Variants in DAB1 observed in about 807,000 individuals in gnomAD.
DAB1 encodes DAB adaptor protein 1.
Under a neutral mutation model 64.6 loss-of-function variants are expected in DAB1, and 15 were observed. That is an observed-to-expected ratio of 0.23 (90% CI 0.16 to 0.36). The LOEUF (loss-of-function observed/expected upper bound fraction) is 0.36, where lower values mean the gene tolerates loss of function less well. Ranked by LOEUF, DAB1 falls within the 10% of genes least tolerant of loss-of-function variation. DAB1 has a pLI of 1.00. For synonymous variants in DAB1, 235 were observed against 251.9 expected, an observed-to-expected ratio of 0.93 and a Z score of 0.64; for missense variants, 596 against 706.7, an observed-to-expected ratio of 0.84 and a Z score of 1.78.
At chr1:57,397,612 G>A (rs1214262952) in intron 1 of DAB1, among the ~76,000 whole-genome samples, 2 of 152,148 alleles carry the variant, frequency 1.3e-5, no homozygotes, top group Admixed American at 1.3e-4. Flanking sequence ...AGGCAGATGT[G>A]TCCCTACACA....
At chr1:58,172,215 C>T (rs189772273) in intron 4 of DAB1, among the ~76,000 whole-genome samples, 58 of 152,334 alleles carry the variant, frequency 3.8e-4, no homozygotes, top group African/African-American at 1.4e-3. Flanking sequence ...CAAAACTCCT[C>T]TTTATATGTC....
intron 2 of DAB1, among the ~76,000 whole-genome samples, chr1:57,216,081 A>G (rs1666405498): frequency 6.6e-6 from 1 of 151,916 alleles, no homozygotes; most frequent in South Asian, 2.1e-4. Flanking sequence ...TCTACACATT[A>G]ATACTGTGGT....
intron 6 of DAB1, among the ~76,000 whole-genome samples, chr1:57,665,859 G>C (rs1646441445): frequency 1.3e-5 from 2 of 149,870 alleles, no homozygotes; most frequent in Non-Finnish European, 3.0e-5. Context: ...CTGTGTGTGT[G>C]TGTGTGTGTG....
intron 1 of DAB1, among the ~76,000 whole-genome samples, chr1:57,327,893 C>T (rs1263163406): frequency 6.6e-6 from 1 of 152,064 alleles, no homozygotes. Context: ...ATATGATTGA[C>T]CTGAAATTCA....
chr1:57,787,369 C>T (rs1487315170), intron 6 of DAB1, among the ~76,000 whole-genome samples: 1 of 151,938 alleles, frequency 6.6e-6, no homozygotes, highest in African/African-American at 2.4e-5. Flanking sequence ...TAGACCTGCA[C>T]GTATAGAATC....
intron 4 of DAB1, among the ~76,000 whole-genome samples, chr1:58,327,582 C>A (rs557447323): frequency 6.6e-6 from 1 of 152,140 alleles, no homozygotes; most frequent in Non-Finnish European, 1.5e-5. Flanking sequence ...TGCTTCTCCC[C>A]CTATTTGTAA....
chr1:57,683,673 C>A (rs767461180), intron 6 of DAB1, among the ~76,000 whole-genome samples: 37 of 152,110 alleles, frequency 2.4e-4, no homozygotes, highest in Admixed American at 1.0e-3. Flanking sequence ...CAGCGCTCTA[C>A]CAAGATGAAA....
chr1:57,707,392 G>A (rs1182645142), intron 6 of DAB1, among the ~76,000 whole-genome samples: 5 of 149,420 alleles, frequency 3.3e-5, no homozygotes, highest in Admixed American at 2.0e-4. Flanking sequence ...TTCATAGTAC[G>A]GATGTGTTGC....
chr1:57,345,655 T>C (rs1031289651), intron 1 of DAB1, among the ~76,000 whole-genome samples: 2 of 152,220 alleles, frequency 1.3e-5, no homozygotes, highest in Non-Finnish European at 2.9e-5. Flanking sequence ...ATAAAAGCAT[T>C]TTAATAACGG....
chr1:57,181,412 T>C (rs1013271275), intron 2 of DAB1, among the ~76,000 whole-genome samples: 4 of 152,214 alleles, frequency 2.6e-5, no homozygotes, highest in African/African-American at 9.6e-5. Flanking sequence ...ATGAGACTTC[T>C]GAGAAGCAGC....
chr1:58,188,343 G>A (rs568162240), intron 4 of DAB1, among the ~76,000 whole-genome samples: 10 of 152,168 alleles, frequency 6.6e-5, no homozygotes, highest in East Asian at 1.9e-4. Flanking sequence ...ATAGAGAATC[G>A]ATTTAATATA....
At position 57,260,167 on chromosome 1, in the gene DAB1, T is replaced by G. The variant is rs372199204; in HGVS notation, c.67+30797A>C. Among the ~76,000 whole-genome samples, 92 of 152,198 alleles carry G rather than the reference T, an allele frequency of 6.0e-4. 1 individual carries two copies. The South Asian group carries it at 0.017, about 27-fold the overall frequency. On this transcript the variant is annotated intron_variant, in intron 2 of 14. Coordinates refer to ENST00000371236, the MANE Select transcript of DAB1 (RefSeq NM_001365792.1). ...CACAAATACTCACCAAGGGCAACAATACACCAGGGCTGTGCTCTGTGCTTA... is the reference window on the plus strand; with the variant it reads ...CACAAATACTCACCAAGGGCAACAAGACACCAGGGCTGTGCTCTGTGCTTA...
rs190453177 is a variant in DAB1 at position 57,674,928 on chromosome 1, C to T, written n.552-25263G>A. Among the ~76,000 whole-genome samples the T allele has an allele frequency of 9.8e-5, 15 of 152,322 alleles. No homozygotes were observed. In the East Asian group the frequency reaches 2.7e-3, roughly 27 times the overall value. ...CATTGGCTTCACTACATTTTCCAGT[C>T]TTGCTTGCAGTTGGTTTGAAGCCCT... On this transcript the variant is annotated intron_variant and non_coding_transcript_variant, in intron 6 of 20. Coordinates refer to the DAB1 transcript ENST00000485760.
upstream of DAB1, among the ~76,000 whole-genome samples, chr1:57,888,155 A>AG (rs1290220194): frequency 2.6e-5 from 4 of 152,238 alleles, no homozygotes; most frequent in East Asian, 5.8e-4. Flanking sequence ...GTTTTCTTTG[A>AG]GGGGGGATGG....
At chr1:57,400,132 G>T (rs1224592718) in intron 1 of DAB1, among the ~76,000 whole-genome samples, 2 of 152,074 alleles carry the variant, frequency 1.3e-5, no homozygotes, top group Non-Finnish European at 2.9e-5. Flanking sequence ...CAACGCAAAG[G>T]GCTTGTCCAT....
chr1:57,519,518 G>C (rs917288328), intron 7 of DAB1, among the ~76,000 whole-genome samples: 2 of 152,114 alleles, frequency 1.3e-5, no homozygotes, highest in African/African-American at 4.8e-5. Context: ...GGATGAAAGA[G>C]TCCCCTGGAC....
intron 1 of DAB1, among the ~76,000 whole-genome samples, chr1:57,396,814 A>G (rs1244426537): frequency 6.6e-6 from 1 of 152,194 alleles, no homozygotes; most frequent in Non-Finnish European, 1.5e-5. Context: ...TCCAGGCCTC[A>G]GCTCCTCTAG....
intron 2 of DAB1, among the ~76,000 whole-genome samples, chr1:58,517,111 TCATG>T (rs1390781237): frequency 6.6e-6 from 1 of 152,202 alleles, no homozygotes; most frequent in Non-Finnish European, 1.5e-5. Context: ...GGAAGTACTA[TCATG>T]ATTCTCACTA....
chr1:57,369,026 T>C (rs1680286480), intron 1 of DAB1, among the ~76,000 whole-genome samples: 1 of 152,172 alleles, frequency 6.6e-6, no homozygotes, highest in Admixed American at 6.5e-5. Context: ...ATTTGCTCCA[T>C]TGTGGTGCCA....
Sources: gnomAD v4.1 joint callset for allele counts (sites outside exome capture counted in the v4.1 genomes callset) on GRCh38, gnomAD v4.1.1 for gene constraint, MANE v1.5 for transcripts, NCBI Gene and HGNC (gene_info 2026-07-23, HGNC 2026-07-21) for gene names.